The following OVCH2 variants were observed in gnomAD, a reference collection of about 807,000 sequenced individuals.
OVCH2 encodes ovochymase-2.
OVCH2 carries 88 observed loss-of-function variants against 73.7 expected under a neutral mutation model. That is an observed-to-expected ratio of 1.19 (90% CI 1.01 to 1.43). OVCH2 has a LOEUF of 1.43. Among genes scored for constraint, OVCH2 ranks in the 40% most tolerant of loss-of-function variants. OVCH2 has a pLI of 0.00. For missense variants in OVCH2, 706 were observed against 674.5 expected (o/e 1.05, Z -0.52); for synonymous variants, 265 against 234.5 (o/e 1.13, Z -1.19).
chr11:7,683,095 C>T, the OVCH2 span, among the ~76,000 whole-genome samples: 1 of 152,352 alleles, frequency 6.6e-6, no homozygotes, highest in South Asian at 2.1e-4. Context: ...TTTTGTCCTG[C>T]ATCCTGGGTT....
chr11:7,698,286 T>C (rs1425791471), intron 8 of OVCH2, among the ~76,000 whole-genome samples: 1 of 152,246 alleles, frequency 6.6e-6, no homozygotes, highest in Non-Finnish European at 1.5e-5. Context: ...ACTAAAGATT[T>C]GAACTAAAGT....
At chr11:7,691,856 G>T in intron 13 of OVCH2, 46 bp downstream of exon 13, 3 of 1,436,282 alleles carry the variant, frequency 2.1e-6, no homozygotes, top group East Asian at 5.0e-5. Context: ...CTCAAGACTG[G>T]GTCCAAACAC....
At position 7,700,265 on chromosome 11, in the gene OVCH2, G is replaced by T. The variant is rs747144260; in HGVS notation, c.901+31C>A. 5 of 1,604,690 alleles carry T rather than the reference G, an allele frequency of 3.1e-6. No homozygotes were observed. The Middle Eastern group carries it at 6.6e-4, about 213-fold the overall frequency. ...TGTCTCTGGCCCTAGCAGAATGGCA[G>T]CTTCTTAACCTTGTGTGATGGCTTA... On this transcript the variant is annotated intron_variant, in intron 7 of 15. Transcript: ENST00000533663.
chr11:7,702,533 G>A (rs900283243), intron 3 of OVCH2, among the ~76,000 whole-genome samples: 3 of 152,134 alleles, frequency 2.0e-5, no homozygotes, highest in Non-Finnish European at 2.9e-5. Context: ...AGTGAAGAGT[G>A]GGTTCATATA....
At chr11:7,699,149 A>G (rs1856389560) in intron 7 of OVCH2, 2 of 158,614 alleles carry the variant, frequency 1.3e-5, no homozygotes, top group Non-Finnish European at 2.8e-5. Flanking sequence ...ACTGTACCAT[A>G]CACTTGAAAA....
At position 7,700,427 on chromosome 11, in the gene OVCH2, C is replaced by T. The variant is rs61759818; in HGVS notation, c.770G>A (p.Gly257Asp). 0.023 allele frequency: 36,611 copies of T among 1,612,250 alleles called. 519 individuals carry two copies. The highest frequency in any genetic ancestry group is 0.06 in the East Asian group (2,695 of 44,798). Reference protein sequence around the residue: ...RNKKGAWTLAGVTSWGLGCGR... With the variant: ...RNKKGAWTLADVTSWGLGCGR... ...ACAGCCCAAACCCCAGGAAGTCACA[C>T]CAGCCAGAGTCCAGGCCCCTTTCTT... is the stretch of plus-strand genomic sequence containing the variant. The change falls in exon 7 of 16, where the codon GGT becomes GAT. Residue 257 changes from glycine to aspartate, a missense_variant. Transcript: ENST00000533663.
intron 7 of OVCH2, chr11:7,700,074 G>T (rs1356114788): frequency 5.1e-5 from 27 of 532,190 alleles, no homozygotes; most frequent in Non-Finnish European, 8.6e-5. Context: ...GGTCTAGGAT[G>T]GATGGATTCA....
At chr11:7,698,851 G>A (rs989868473) in intron 7 of OVCH2, 78 bp from the exon 8 acceptor site, 5 of 1,444,264 alleles carry the variant, frequency 3.5e-6, no homozygotes, top group Non-Finnish European at 4.8e-6. Context: ...CATCTTCTTG[G>A]CGCACAAGAG....
At chr11:7,683,288 A>G in the OVCH2 span, among the ~76,000 whole-genome samples, 1 of 152,100 alleles carries the variant, frequency 6.6e-6, no homozygotes, top group African/African-American at 2.4e-5. Context: ...CCCGACCCCA[A>G]ATTCTGATAC....
In OVCH2 at chr11:7,689,937, T is replaced by A; in HGVS notation, c.*18A>T. ...AAAACAGCTTACCAGAAACATTGGT[T>A]TCTCCATTTGGCACATCTCATGTCT... is the stretch of plus-strand genomic sequence containing the variant. On this transcript the variant is annotated 3_prime_UTR_variant, in exon 15 of 16. Coordinates refer to ENST00000533663, the MANE Select transcript of OVCH2 (RefSeq NM_198185.7). 5 of 1,508,840 alleles carry A rather than the reference T, an allele frequency of 3.3e-6. No individual in the cohort carries two copies. The highest frequency in any genetic ancestry group is 4.5e-6 in the Non-Finnish European group (5 of 1,122,178). 93.5% of individuals were successfully genotyped at this position (1,508,840 alleles called of 1,614,324 possible).
intron 12 of OVCH2, among the ~76,000 whole-genome samples, chr11:7,692,908 T>C (rs776250400): frequency 1.3e-5 from 2 of 152,238 alleles, no homozygotes; most frequent in Non-Finnish European, 2.9e-5. Flanking sequence ...CCTTGAGACC[T>C]GTATTTTTTG....
At chr11:7,680,812 CTA>C in the OVCH2 span, among the ~76,000 whole-genome samples, 1 of 152,198 alleles carries the variant, frequency 6.6e-6, no homozygotes, top group South Asian at 2.1e-4. Context: ...CAATAGGAAA[CTA>C]ATACAATAAA....
intron 14 of OVCH2, among the ~76,000 whole-genome samples, chr11:7,690,530 TAC>T (rs1336205817): frequency 6.6e-6 from 1 of 151,988 alleles, no homozygotes; most frequent in Non-Finnish European, 1.5e-5. Context: ...GATTCAGACA[TAC>T]AGTCACTCGT....
chr11:7,694,967 A>G, intron 12 of OVCH2, 91 bp downstream of exon 12: 1 of 1,421,608 alleles, frequency 7.0e-7, no homozygotes. Flanking sequence ...ACAGCAGTGA[A>G]TAAATCAGAT....
At chr11:7,695,264 T>C (rs1025921533) in intron 11 of OVCH2, 76 bp from the exon 12 acceptor site, 1 of 1,440,632 alleles carries the variant, frequency 6.9e-7, no homozygotes, top group Middle Eastern at 1.8e-4. Context: ...CCCTCCTGTC[T>C]CCTGAAAATG....
chr11:7,678,773 T>G, the OVCH2 span, among the ~76,000 whole-genome samples: 2 of 152,166 alleles, frequency 1.3e-5, no homozygotes, highest in African/African-American at 2.4e-5. Flanking sequence ...CAGTAGCCAC[T>G]GGGGACTGCT....
chr11:7,692,911 A>G (rs1357917149), intron 12 of OVCH2, among the ~76,000 whole-genome samples: 1 of 152,106 alleles, frequency 6.6e-6, no homozygotes, highest in East Asian at 1.9e-4. Flanking sequence ...TGAGACCTGT[A>G]TTTTTTGCTA....
chr11:7,685,054 C>T (rs1856127752), downstream of OVCH2, among the ~76,000 whole-genome samples: 1 of 152,182 alleles, frequency 6.6e-6, no homozygotes, highest in African/African-American at 2.4e-5. Context: ...TGGAGGGTAA[C>T]ACAAAGCAGA....
At chr11:7,700,191 T>A (rs1856407997) in intron 7 of OVCH2, 105 bp downstream of exon 7, 4 of 1,094,940 alleles carry the variant, frequency 3.7e-6, no homozygotes, top group Non-Finnish European at 5.3e-6. Context: ...AGAACAGAGG[T>A]AGAGCCTGTT....
Sources: gnomAD v4.1 joint callset for allele counts (sites outside exome capture counted in the v4.1 genomes callset) on GRCh38, gnomAD v4.1.1 for gene constraint, MANE v1.5 for transcripts, NCBI Gene and HGNC (gene_info 2026-07-23, HGNC 2026-07-21) for gene names.